MCTP1: variants seen among roughly 807,000 people sequenced by gnomAD.
MCTP1 encodes the protein multiple C2 and transmembrane domain containing 1.
A neutral mutation model predicts 120.6 loss-of-function variants in MCTP1; 69 were observed. The observed-to-expected ratio is 0.57, with a 90% confidence interval of 0.47 to 0.70. The LOEUF (loss-of-function observed/expected upper bound fraction) is 0.70, where lower values mean the gene tolerates loss of function less well. Ranked by LOEUF, MCTP1 falls within the 30% of genes least tolerant of loss-of-function variation. The pLI is 0.00. For synonymous variants in MCTP1, 529 were observed against 493.1 expected (o/e 1.07, Z -0.96); for missense variants, 1,203 against 1,248.8 (o/e 0.96, Z 0.55).
At chr5:95,212,766 A>G (rs562001775) in intron 1 of MCTP1, among the ~76,000 whole-genome samples, 2,366 of 152,250 alleles carry the variant, frequency 0.016, 35 homozygotes, top group African/African-American at 0.042. Context: ...CAAAAACCAC[A>G]TGATTATCTC....
At chr5:95,037,485 T>G (rs1841548736) in intron 1 of MCTP1, among the ~76,000 whole-genome samples, 1 of 152,174 alleles carries the variant, frequency 6.6e-6, no homozygotes, top group Non-Finnish European at 1.5e-5. Context: ...TAAGGGCAAT[T>G]TTATTTTCTT....
At chr5:95,255,077 T>G (rs1190755477) in intron 1 of MCTP1, among the ~76,000 whole-genome samples, 1 of 152,220 alleles carries the variant, frequency 6.6e-6, no homozygotes, top group African/African-American at 2.4e-5. Flanking sequence ...ATAAAATGTA[T>G]GCCTTCATTT....
chr5:95,024,652 C>CACACACACACAA (rs1406536719), intron 1 of MCTP1, among the ~76,000 whole-genome samples: 1 of 150,864 alleles, frequency 6.6e-6, no homozygotes, highest in African/African-American at 2.4e-5. Context: ...TTCAAATACA[C>CACACACACACAA]ACACACACAC....
intron 17 of MCTP1, among the ~76,000 whole-genome samples, chr5:94,841,036 G>A (rs938390822): frequency 3.3e-5 from 5 of 152,192 alleles, no homozygotes; most frequent in Non-Finnish European, 7.3e-5. Context: ...CTCAATGTGG[G>A]CAGCATCTTT....
chr5:94,905,086 G>T (rs1806474616), intron 10 of MCTP1, among the ~76,000 whole-genome samples: 1 of 152,156 alleles, frequency 6.6e-6, no homozygotes, highest in East Asian at 1.9e-4. Context: ...TGAGACATTG[G>T]TGCACAGATC....
At chr5:94,918,366 T>C (rs1489762019) in intron 7 of MCTP1, among the ~76,000 whole-genome samples, 1 of 152,188 alleles carries the variant, frequency 6.6e-6, no homozygotes, top group Admixed American at 6.5e-5. Context: ...AGTGATAAGC[T>C]TTCAGAAAAA....
chr5:95,002,501 C>T (rs896310789), intron 2 of MCTP1, among the ~76,000 whole-genome samples: 1 of 152,194 alleles, frequency 6.6e-6, no homozygotes, highest in African/African-American at 2.4e-5. Context: ...CCTCTTGCAT[C>T]AGTGTGACTC....
intron 17 of MCTP1, among the ~76,000 whole-genome samples, chr5:94,835,406 C>G (rs1478764088): frequency 1.3e-5 from 2 of 152,116 alleles, no homozygotes; most frequent in Non-Finnish European, 2.9e-5. Flanking sequence ...GATAACTTAT[C>G]CAAAGTGAGA....
intron 1 of MCTP1, among the ~76,000 whole-genome samples, chr5:95,180,173 T>C (rs1484759772): frequency 6.6e-6 from 1 of 152,114 alleles, no homozygotes; most frequent in African/African-American, 2.4e-5. Context: ...ACCTACCAAA[T>C]GAAACAGAAG....
At chr5:94,984,268 A>G (rs764611959) in intron 2 of MCTP1, among the ~76,000 whole-genome samples, 22 of 152,282 alleles carry the variant, frequency 1.4e-4, no homozygotes, top group Middle Eastern at 6.8e-3. Flanking sequence ...GACATTTTTA[A>G]AAATATAGCC....
intron 20 of MCTP1, among the ~76,000 whole-genome samples, chr5:94,711,227 C>T (rs1386659642): frequency 6.6e-6 from 1 of 152,060 alleles, no homozygotes; most frequent in African/African-American, 2.4e-5. Flanking sequence ...TATTTTTCTT[C>T]TTTATTTTTC....
In MCTP1 at chr5:94,939,577, G is replaced by A. The variant is rs114507961; in HGVS notation, c.1173+507C>T. Among the ~76,000 whole-genome samples, 237 of 151,952 alleles carry A rather than the reference G, an allele frequency of 1.6e-3. 1 individual carries two copies. Among genetic ancestry groups the A allele is most frequent in the African/African-American group, 5.3e-3 (219 of 41,488 alleles). On this transcript the variant is annotated intron_variant, in intron 5 of 22. Coordinates refer to ENST00000515393, the MANE Select transcript of MCTP1 (RefSeq NM_024717.7). ...CAAGGACGTACAGACAGCTAGTGCT[G>A]AAAAATGGGTAATATCAACATGAAA...
At chr5:94,867,445 AC>A (rs1416139534) in intron 17 of MCTP1, 2 of 941,154 alleles carry the variant, frequency 2.1e-6, no homozygotes, top group Non-Finnish European at 3.3e-6. Context: ...GAATGGTAAT[AC>A]TAAAATGTTG....
intron 1 of MCTP1, chr5:95,038,061 A>G: frequency 6.5e-6 from 6 of 930,132 alleles, no homozygotes; most frequent in Non-Finnish European, 7.7e-6. Flanking sequence ...GTTTAAAACA[A>G]AACTCACGTG....
chr5:94,903,499 A>G (rs1208515636), intron 10 of MCTP1, among the ~76,000 whole-genome samples: 1 of 152,226 alleles, frequency 6.6e-6, no homozygotes, highest in Non-Finnish European at 1.5e-5. Flanking sequence ...AGCATTAGAG[A>G]GAGCCATAGA....
chr5:95,229,412 A>G (rs578187095), intron 1 of MCTP1, among the ~76,000 whole-genome samples: 1 of 152,256 alleles, frequency 6.6e-6, no homozygotes, highest in Non-Finnish European at 1.5e-5. Context: ...AGATACCCCA[A>G]AGCATTTGCA....
chr5:94,991,735 G>A (rs930000434), intron 2 of MCTP1, among the ~76,000 whole-genome samples: 1 of 151,998 alleles, frequency 6.6e-6, no homozygotes, highest in East Asian at 1.9e-4. Context: ...AAATTAGCCA[G>A]GCATGGTGGC....
intron 1 of MCTP1, among the ~76,000 whole-genome samples, chr5:95,093,416 C>T (rs1433526874): frequency 6.6e-6 from 1 of 152,088 alleles, no homozygotes; most frequent in Non-Finnish European, 1.5e-5. Flanking sequence ...TTTACCTTTG[C>T]CTGTTGTGCC....
intron 17 of MCTP1, among the ~76,000 whole-genome samples, chr5:94,801,834 C>A (rs147444669): frequency 0.011 from 1,725 of 152,282 alleles, 26 homozygotes; most frequent in Non-Finnish European, 0.017. Context: ...ATGCATTCTT[C>A]TTCTCTAGAT....
Sources: gnomAD v4.1 joint callset for allele counts (sites outside exome capture counted in the v4.1 genomes callset) on GRCh38, gnomAD v4.1.1 for gene constraint, MANE v1.5 for transcripts, NCBI Gene and HGNC (gene_info 2026-07-23, HGNC 2026-07-21) for gene names.